The following KIAA0319 variants were observed in gnomAD, a reference collection of about 807,000 sequenced individuals.
The protein encoded by KIAA0319 is KIAA0319.
KIAA0319 carries 83 observed loss-of-function variants against 108.4 expected under a neutral mutation model. That is an observed-to-expected ratio of 0.77 (90% CI 0.64 to 0.92). KIAA0319 has a LOEUF of 0.92. Among genes scored for constraint, KIAA0319 ranks in the 40% least tolerant of loss-of-function variants. The probability of loss-of-function intolerance (pLI) is 0.00; values close to 1 mark genes in which losing one functional copy is unlikely to be tolerated. For synonymous variants in KIAA0319, 484 were observed against 510.4 expected (o/e 0.95, Z 0.70); for missense variants, 1,195 against 1,322.4 (o/e 0.90, Z 1.49).
chr6:24,547,384 A>T, intron 20 of KIAA0319, 41 bp from the exon 21 acceptor site: 1 of 1,556,796 alleles, frequency 6.4e-7, no homozygotes, highest in Non-Finnish European at 8.8e-7. Context: ...GAACGCCGTG[A>T]TTCACTTCCA....
chr6:24,550,368 A>G (rs1761296789), intron 20 of KIAA0319, among the ~76,000 whole-genome samples: 1 of 152,270 alleles, frequency 6.6e-6, no homozygotes, highest in South Asian at 2.1e-4. Flanking sequence ...TGCACCTCAC[A>G]ACTCTGAAAA....
intron 2 of KIAA0319, chr6:24,598,034 A>G: frequency 3.5e-6 from 1 of 285,448 alleles, no homozygotes; most frequent in Non-Finnish European, 6.8e-6. Context: ...GTGACCCATA[A>G]GTCCTACAAG....
In KIAA0319 at chr6:24,619,289, C is replaced by T. The variant is rs143697329; in HGVS notation, c.-105-18081G>A. 3.5e-3 allele frequency among the ~76,000 whole-genome samples: 526 copies of T among 152,254 alleles called. 1 individual carries two copies. Among genetic ancestry groups the T allele is most frequent in the Non-Finnish European group, 6.5e-3 (440 of 68,026 alleles). On this transcript the variant is annotated intron_variant, in intron 1 of 20. Coordinates refer to ENST00000378214, the MANE Select transcript of KIAA0319 (RefSeq NM_014809.4). Reference sequence around the variant, plus strand: ...AAATGGAGAGACAAGTTAGCAGCTTCGGCAATAATCCAGGTGAGAGGACGG... The same window carrying T: ...AAATGGAGAGACAAGTTAGCAGCTTTGGCAATAATCCAGGTGAGAGGACGG...
chr6:24,596,855 C>T (rs1048592704), intron 2 of KIAA0319, among the ~76,000 whole-genome samples: 1 of 152,176 alleles, frequency 6.6e-6, no homozygotes, highest in Non-Finnish European at 1.5e-5. Flanking sequence ...TTTCATTCAT[C>T]CACCCGTCTT....
chr6:24,602,258 CT>C (rs1374734152), intron 1 of KIAA0319, among the ~76,000 whole-genome samples: 1 of 152,220 alleles, frequency 6.6e-6, no homozygotes, highest in Non-Finnish European at 1.5e-5. Flanking sequence ...CTCAAGTGAT[CT>C]GCCCGTCTTG....
intron 2 of KIAA0319, among the ~76,000 whole-genome samples, chr6:24,596,934 C>T (rs1769718950): frequency 6.6e-6 from 1 of 151,794 alleles, no homozygotes; most frequent in Admixed American, 6.6e-5. Flanking sequence ...CATCCATCTA[C>T]CCTTCTACTT....
In KIAA0319 at chr6:24,576,436, C is replaced by T. The variant is rs577359258; in HGVS notation, c.1666G>A (p.Asp556Asn). Residue 556 changes from aspartate to asparagine, a missense_variant, in exon 10 of 21, where the codon GAT becomes AAT. Physicochemically the swap from Asp to Asn is conservative, Grantham distance 23. Coordinates refer to ENST00000378214, the MANE Select transcript of KIAA0319 (RefSeq NM_014809.4). ...ITLNGNQSSD[D>N]HQIVLYEWSL... ...CACTCATAGAGGACAATCTGGTGAT[C>T]GTCACTGCTCTGGTTTCCATTCAAA... 22 of 1,614,116 alleles carry T rather than the reference C, an allele frequency of 1.4e-5. No homozygotes were observed. Among genetic ancestry groups the T allele is most frequent in the African/African-American group, 9.3e-5 (7 of 75,018 alleles).
Position 24,610,424 on chromosome 6 carries a change from CAATT to C in KIAA0319, c.-105-9220_-105-9217del, listed in dbSNP as rs140760520. Among the ~76,000 whole-genome samples the C allele has an allele frequency of 1.0e-3, 154 of 152,178 alleles. No homozygotes were observed. In the East Asian group the frequency reaches 0.026, roughly 26 times the overall value. ...ACTAGCATGGCTATAATAAAAAAGA[CAATT>C]AAAAACGTTGTCAAGCATGTGAGAA... On this transcript the variant is annotated intron_variant, in intron 1 of 20. Transcript: ENST00000378214.
chr6:24,634,108 A>G (rs578029499), intron 1 of KIAA0319, among the ~76,000 whole-genome samples: 7 of 152,270 alleles, frequency 4.6e-5, no homozygotes, highest in Non-Finnish European at 8.8e-5. Flanking sequence ...AGTAAAAAGT[A>G]GCATTCTCCA....
chr6:24,583,800 T>C lies in KIAA0319; in HGVS notation c.995-98A>G, dbSNP rs965285637. ...TGTTTTTGGTATCCATAAATTAAAATAACATATGCTTTTGTAATAGTTCTT... is the reference window on the plus strand; with the variant it reads ...TGTTTTTGGTATCCATAAATTAAAACAACATATGCTTTTGTAATAGTTCTT... On this transcript the variant is annotated intron_variant, in intron 4 of 20. Coordinates refer to ENST00000378214, the MANE Select transcript of KIAA0319 (RefSeq NM_014809.4). The C allele has an allele frequency of 5.6e-5, 43 of 764,382 alleles. No homozygotes were observed. In the Admixed American group the frequency reaches 1.2e-3, roughly 21 times the overall value. The allele number at this position is 764,382 out of a possible 1,614,324, so 47.3% of individuals were successfully genotyped here.
downstream of KIAA0319, among the ~76,000 whole-genome samples, chr6:24,542,767 T>G (rs889869027): frequency 4.6e-5 from 7 of 152,192 alleles, no homozygotes; most frequent in Non-Finnish European, 8.8e-5. Context: ...GTCACACACA[T>G]GTACTGAGTT....
At chr6:24,560,530 A>G (rs1304563335) in intron 16 of KIAA0319, among the ~76,000 whole-genome samples, 2 of 152,222 alleles carry the variant, frequency 1.3e-5, no homozygotes, top group African/African-American at 2.4e-5. Context: ...ATCTGTATTC[A>G]TCCCCTAGGG....
chr6:24,540,622 ATTAG>A (rs370360338), downstream of KIAA0319, among the ~76,000 whole-genome samples: 83 of 149,690 alleles, frequency 5.5e-4, no homozygotes, highest in Middle Eastern at 3.4e-3. Context: ...CTAGGGACCA[ATTAG>A]TTGGAGAAAT....
At chr6:24,558,862 G>T in intron 17 of KIAA0319, 151 bp downstream of exon 17, 1 of 739,822 alleles carries the variant, frequency 1.4e-6, no homozygotes, top group Non-Finnish European at 2.1e-6. Context: ...GCAAATGCAT[G>T]CTGCAGGAAA....
chr6:24,633,369 A>G (rs1287243318), intron 1 of KIAA0319, among the ~76,000 whole-genome samples: 1 of 152,214 alleles, frequency 6.6e-6, no homozygotes, highest in East Asian at 1.9e-4. Context: ...GGGAAAGATA[A>G]TTAAAGATAT....
Position 24,596,499 on chromosome 6 carries a change from C to T in KIAA0319, c.175G>A (p.Ala59Thr), listed in dbSNP as rs778582295. The change falls in exon 3 of 21, where the codon GCC becomes ACC. Residue 59 changes from alanine (A) to threonine (T), a missense_variant. Physicochemically the swap from Ala to Thr is moderately conservative, Grantham distance 58. Coordinates refer to ENST00000378214, the MANE Select transcript of KIAA0319 (RefSeq NM_014809.4). ...SHTFPVVDCT[A>T]ACCDLSSCDL... Reference sequence around the variant, plus strand: ...CAGCTGGACAGGTCACAGCAAGCGGCCGTGCAGTCTACGACAGGGAAGGTG... The same window carrying T: ...CAGCTGGACAGGTCACAGCAAGCGGTCGTGCAGTCTACGACAGGGAAGGTG... 6.2e-7 allele frequency: 1 copy of T among 1,614,132 alleles called. No individual in the cohort carries two copies. The highest frequency in any genetic ancestry group is 8.5e-7 in the Non-Finnish European group (1 of 1,180,038).
intron 5 of KIAA0319, chr6:24,583,032 A>G: frequency 2.0e-6 from 2 of 977,628 alleles, no homozygotes; most frequent in Non-Finnish European, 2.4e-6. Context: ...TGAATGAGAA[A>G]TAGTCAAACA....
intron 8 of KIAA0319, 51 bp from the exon 9 acceptor site, chr6:24,578,293 A>G (rs376754789): frequency 7.3e-7 from 1 of 1,370,262 alleles, no homozygotes; most frequent in Non-Finnish European, 1.0e-6. Flanking sequence ...AGAGGAAGAC[A>G]TAAGTTTTAT....
At chr6:24,577,669 T>C (rs1765738538) in intron 9 of KIAA0319, among the ~76,000 whole-genome samples, 1 of 152,174 alleles carries the variant, frequency 6.6e-6, no homozygotes, top group African/African-American at 2.4e-5. Context: ...ATTCTGAGCT[T>C]CCTTCCACAC....
Sources: gnomAD v4.1 joint callset for allele counts (sites outside exome capture counted in the v4.1 genomes callset) on GRCh38, gnomAD v4.1.1 for gene constraint, MANE v1.5 for transcripts, NCBI Gene and HGNC (gene_info 2026-07-23, HGNC 2026-07-21) for gene names.